Variants in ENOX2 observed in about 807,000 individuals in gnomAD.
ENOX2 encodes ecto-NOX disulfide-thiol exchanger 2, also known as APK1 antigen.
ENOX2 carries 36 observed loss-of-function variants against 45.0 expected under a neutral mutation model. The ratio of observed to expected loss-of-function variants is 0.80; its 90% CI spans 0.61 to 1.06. ENOX2 has a LOEUF of 1.06. ENOX2 is among the 50% of genes least tolerant of loss of function. The probability of loss-of-function intolerance (pLI) is 0.00; values close to 1 mark genes in which losing one functional copy is unlikely to be tolerated. For missense variants in ENOX2, 423 were observed against 462.5 expected (o/e 0.91, Z 0.78); for synonymous variants, 174 against 152.3 (o/e 1.14, Z -1.05).
At chrX:130,900,398 C>G (rs2079125820) in intron 2 of ENOX2, among the ~76,000 whole-genome samples, 1 of 112,183 alleles carries the variant, frequency 8.9e-6, no homozygotes, top group South Asian at 3.7e-4. Flanking sequence ...CACAGTGTAA[C>G]TACCACTGGC....
intron 3 of ENOX2, among the ~76,000 whole-genome samples, chrX:130,726,908 G>A (rs776163010): frequency 8.9e-6 from 1 of 112,248 alleles, no homozygotes; most frequent in East Asian, 2.8e-4. Flanking sequence ...TCTCAAGAGG[G>A]CCCCTGGGCT....
intron 4 of ENOX2, among the ~76,000 whole-genome samples, chrX:130,689,472 A>G (rs2037533953): frequency 8.9e-6 from 1 of 112,295 alleles, no homozygotes; most frequent in African/African-American, 3.2e-5. Context: ...ATGAACTTCC[A>G]TTTCCTCATC....
chrX:130,856,646 A>C (rs1363058581), intron 2 of ENOX2, among the ~76,000 whole-genome samples: 4 of 110,998 alleles, frequency 3.6e-5, no homozygotes, highest in African/African-American at 1.3e-4. Context: ...TTCAACGTCT[A>C]TATATATTCT....
At chrX:130,881,740 G>A (rs767279115) in intron 2 of ENOX2, among the ~76,000 whole-genome samples, 6 of 111,178 alleles carry the variant, frequency 5.4e-5, no homozygotes, top group East Asian at 2.8e-4. Flanking sequence ...AGCTCTGAGC[G>A]AGGATGAGTA....
intron 2 of ENOX2, among the ~76,000 whole-genome samples, chrX:130,811,107 T>C (rs779992802): frequency 9.0e-6 from 1 of 111,347 alleles, no homozygotes; most frequent in South Asian, 3.8e-4. Context: ...TCTAGGCCAG[T>C]CCCTGTGAAT....
chrX:130,897,692 T>A (rs1005220902), intron 2 of ENOX2, among the ~76,000 whole-genome samples: 9 of 112,005 alleles, frequency 8.0e-5, no homozygotes, highest in African/African-American at 2.9e-4. Flanking sequence ...CCCAAAAAAG[T>A]AAATCACAGA....
intron 3 of ENOX2, among the ~76,000 whole-genome samples, chrX:130,726,382 T>C (rs2038605948): frequency 8.9e-6 from 1 of 112,408 alleles, no homozygotes; most frequent in Non-Finnish European, 1.9e-5. Flanking sequence ...CACCCTGATA[T>C]GCATGCCCAG....
chrX:130,695,580 A>T (rs1487348320), intron 4 of ENOX2, among the ~76,000 whole-genome samples: 1 of 111,815 alleles, frequency 8.9e-6, no homozygotes, highest in Non-Finnish European at 1.9e-5. Context: ...ACTCACAGTA[A>T]AACCACTGAA....
rs1406513113 is a variant in ENOX2 at position 130,832,428 on chromosome X, C to T, written c.-182-48738G>A. Among the ~76,000 whole-genome samples, 3 of 90,192 alleles carry T rather than the reference C, an allele frequency of 3.3e-5. No individual in the cohort carries two copies. The Admixed American group carries it at 3.5e-4, about 11-fold the overall frequency. The allele number at this position is 90,192 out of a possible 115,157, so 78.3% of individuals were successfully genotyped here. On this transcript the variant is annotated intron_variant, in intron 2 of 14. Coordinates refer to ENST00000394363, the MANE Select transcript of ENOX2 (RefSeq NM_006375.4). Reference sequence around the variant, plus strand: ...ATATAGATATTCCCTTACACACACACACACACACACATACACACACACACA... The same window carrying T: ...ATATAGATATTCCCTTACACACACATACACACACACATACACACACACACA...
chrX:130,755,612 G>A (rs1450645100), intron 3 of ENOX2, among the ~76,000 whole-genome samples: 1 of 110,338 alleles, frequency 9.1e-6, no homozygotes, highest in Admixed American at 9.7e-5. Context: ...TGGGTACATA[G>A]TAGGTATATT....
intron 9 of ENOX2, among the ~76,000 whole-genome samples, chrX:130,663,526 G>A (rs1396479737): frequency 2.2e-4 from 19 of 85,449 alleles, no homozygotes; most frequent in African/African-American, 8.2e-4. Context: ...GCAAGACTCC[G>A]TCTCCAAAAA....
chrX:130,895,277 G>A (rs1273387157), intron 2 of ENOX2, among the ~76,000 whole-genome samples: 1 of 111,711 alleles, frequency 9.0e-6, no homozygotes, highest in Non-Finnish European at 1.9e-5. Context: ...AATTAGAATG[G>A]TATGTGACCA....
intron 11 of ENOX2, 90 bp from the exon 12 acceptor site, chrX:130,635,181 C>T (rs1569477741): frequency 1.0e-5 from 5 of 492,358 alleles, no homozygotes; most frequent in Admixed American, 4.3e-5. Flanking sequence ...ATCAGGTGGG[C>T]CTGCCTCACT....
chrX:130,670,540 G>A lies in ENOX2; in HGVS notation c.461-342C>T, dbSNP rs192194635. ...GTGGGTAATAGTATCAAGCATGATC[G>A]TTATATGGCACCAAGGGCTGGGAAG... is the stretch of plus-strand genomic sequence containing the variant. On this transcript the variant is annotated intron_variant, in intron 6 of 14. Coordinates refer to ENST00000394363, the MANE Select transcript of ENOX2 (RefSeq NM_006375.4). Among the ~76,000 whole-genome samples, 122 of 110,689 alleles carry A rather than the reference G, an allele frequency of 1.1e-3. 1 individual carries two copies. Among genetic ancestry groups the A allele is most frequent in the African/African-American group, 3.8e-3 (117 of 30,430 alleles).
chrX:130,627,549 C>A (rs778067530), intron 14 of ENOX2, among the ~76,000 whole-genome samples: 2 of 111,503 alleles, frequency 1.8e-5, no homozygotes, highest in Admixed American at 1.9e-4. Context: ...CAAATGCACT[C>A]CAGCCTGGGC....
Position 130,677,166 on chromosome X carries a change from G to A in ENOX2, c.460+2376C>T, listed in dbSNP as rs755604038. On this transcript the variant is annotated intron_variant, in intron 6 of 14. Coordinates refer to ENST00000394363, the MANE Select transcript of ENOX2 (RefSeq NM_006375.4). ...AAAGCTACCTTTCTTGATGCCCCCA[G>A]TTAGGAGTCAGAAATATTCTCGTTC... Among the ~76,000 whole-genome samples, 6 of 111,791 alleles carry A rather than the reference G, an allele frequency of 5.4e-5. No individual in the cohort carries two copies. The South Asian group carries it at 1.5e-3, about 29-fold the overall frequency.
chrX:130,722,480 C>T (rs1328701429), intron 3 of ENOX2, among the ~76,000 whole-genome samples: 1 of 111,840 alleles, frequency 8.9e-6, no homozygotes, highest in Non-Finnish European at 1.9e-5. Flanking sequence ...TTGCTATTTC[C>T]TGGAGGTCAG....
At chrX:130,794,189 C>CA (rs2077084558) in intron 2 of ENOX2, among the ~76,000 whole-genome samples, 2 of 112,149 alleles carry the variant, frequency 1.8e-5, no homozygotes, top group African/African-American at 6.5e-5. Context: ...GCACACTGAC[C>CA]ATTAGGTTAT....
intron 2 of ENOX2, among the ~76,000 whole-genome samples, chrX:130,861,866 T>A (rs985781703): frequency 9.0e-6 from 1 of 111,418 alleles, no homozygotes; most frequent in African/African-American, 3.3e-5. Context: ...ATGACATAGA[T>A]TAAGGTGATG....
Sources: allele counts gnomAD v4.1 joint callset (sites outside exome capture counted in the v4.1 genomes callset), GRCh38; gene constraint gnomAD v4.1.1; transcripts MANE v1.5; gene names NCBI Gene and HGNC (gene_info 2026-07-23, HGNC 2026-07-21).